The following PRIM2 variants were observed in gnomAD, a reference collection of about 807,000 sequenced individuals.
The protein encoded by PRIM2 is DNA primase subunit 2.
In PRIM2, 39 loss-of-function variants were observed where a neutral mutation model predicts 67.3. That is an observed-to-expected ratio of 0.58 (90% CI 0.45 to 0.76). The LOEUF (loss-of-function observed/expected upper bound fraction) is 0.76, where lower values mean the gene tolerates loss of function less well. Among genes scored for constraint, PRIM2 ranks in the 30% least tolerant of loss-of-function variants. PRIM2 has a pLI of 0.00. For missense variants in PRIM2, 398 were observed against 598.7 expected (o/e 0.66, Z 3.50); for synonymous variants, 143 against 198.7 (o/e 0.72, Z 2.36).
chr6:57,326,294 G>T, intron 5 of PRIM2: 1 of 325,492 alleles, frequency 3.1e-6, no homozygotes, highest in Non-Finnish European at 5.4e-6. Flanking sequence ...GCACAAGAAG[G>T]TTTAGTTTAT....
At chr6:57,571,363 A>G (rs1327014175) in intron 10 of PRIM2, among the ~76,000 whole-genome samples, 6 of 152,096 alleles carry the variant, frequency 3.9e-5, no homozygotes, top group Admixed American at 6.6e-5. Flanking sequence ...AAAAACAACA[A>G]TGAAGGCTGG....
chr6:57,287,241 A>G, the PRIM2 span, among the ~76,000 whole-genome samples: 4 of 152,232 alleles, frequency 2.6e-5, no homozygotes, highest in Non-Finnish European at 4.4e-5. Flanking sequence ...CATTTGACCC[A>G]GCAATCCCAT....
the PRIM2 span, among the ~76,000 whole-genome samples, chr6:57,227,002 A>G: frequency 6.6e-6 from 1 of 152,156 alleles, no homozygotes; most frequent in Admixed American, 6.5e-5. Flanking sequence ...ATTATGGTCT[A>G]GTGTGTTCCA....
the PRIM2 span, among the ~76,000 whole-genome samples, chr6:57,266,371 C>T: frequency 6.6e-6 from 1 of 152,106 alleles, no homozygotes; most frequent in Non-Finnish European, 1.5e-5. Context: ...CCTACAGAGT[C>T]AAGAATGAAG....
chr6:57,522,623 G>A (rs1554349026), intron 8 of PRIM2, among the ~76,000 whole-genome samples: 1 of 151,728 alleles, frequency 6.6e-6, no homozygotes, highest in Non-Finnish European at 1.5e-5. Context: ...TGAGTAGCTG[G>A]GACTACAGAT....
intron 7 of PRIM2, among the ~76,000 whole-genome samples, chr6:57,456,053 T>C (rs550233345): frequency 2.0e-5 from 3 of 152,218 alleles, no homozygotes; most frequent in South Asian, 2.1e-4. Flanking sequence ...GAAGCTTAGT[T>C]TGGCTGGATA....
intron 10 of PRIM2, among the ~76,000 whole-genome samples, chr6:57,590,487 T>TG (rs1266004140): frequency 2.0e-5 from 3 of 151,814 alleles, no homozygotes; most frequent in Non-Finnish European, 2.9e-5. Context: ...AGAGCAGGGA[T>TG]GGGGGTCAGT....
rs1348266327 is a variant in PRIM2 at position 57,472,957 on chromosome 6, G to A, written c.694-34430G>A. ...AATTATATGCAGGAGGCCACTTTTC[G>A]TTGAATTAGTGTGTGTTGCATGTGG... On this transcript the variant is annotated intron_variant, in intron 7 of 13. Transcript: ENST00000615550. Among the ~76,000 whole-genome samples the A allele has an allele frequency of 4.9e-4, 74 of 152,276 alleles. 1 individual carries two copies. The highest frequency in any genetic ancestry group is 1.2e-3 in the African/African-American group (50 of 41,554).
intron 10 of PRIM2, among the ~76,000 whole-genome samples, chr6:57,600,846 T>C (rs1776451016): frequency 6.6e-6 from 1 of 152,226 alleles, no homozygotes; most frequent in Admixed American, 6.5e-5. Flanking sequence ...AACGTATAGG[T>C]AACATTAGCT....
At chr6:57,294,559 A>G in the PRIM2 span, among the ~76,000 whole-genome samples, 2 of 151,958 alleles carry the variant, frequency 1.3e-5, no homozygotes, top group Middle Eastern at 6.9e-3. Context: ...GTGCATGTAT[A>G]TATTTATACA....
intron 13 of PRIM2, among the ~76,000 whole-genome samples, chr6:57,641,003 A>G (rs1382222458): frequency 3.5e-4 from 53 of 152,242 alleles, no homozygotes; most frequent in African/African-American, 1.3e-3. Flanking sequence ...ACAAGGCTAC[A>G]GTAACCACAA....
intron 8 of PRIM2, among the ~76,000 whole-genome samples, chr6:57,528,723 A>G (rs1173825380): frequency 6.6e-6 from 1 of 152,264 alleles, no homozygotes; most frequent in Non-Finnish European, 1.5e-5. Flanking sequence ...ATAAGGGTCA[A>G]TGGCATGGCC....
In PRIM2 at chr6:57,433,924, G is replaced by GTT. The variant is rs5876563; in HGVS notation, c.693+51772_693+51773dup. On this transcript the variant is annotated intron_variant, in intron 7 of 13. Transcript: ENST00000615550. ...GGGACAAGCAACTTCTCTGTTCCCT[G>GTT]TTTTTTTTTTTTTTTTTGAGACAGA... 3.6e-3 allele frequency among the ~76,000 whole-genome samples: 486 copies of GTT among 135,924 alleles called. 3 individuals carry two copies. The highest frequency in any genetic ancestry group is 0.015 in the East Asian group (68 of 4,634). 89.2% of individuals were successfully genotyped at this position (135,924 alleles called of 152,430 possible).
intron 7 of PRIM2, among the ~76,000 whole-genome samples, chr6:57,388,456 A>G (rs78967649): frequency 6.6e-6 from 1 of 152,124 alleles, no homozygotes; most frequent in African/African-American, 2.4e-5. Context: ...GAATCAGCAT[A>G]ATGATGATGA....
chr6:57,309,614 T>C, the PRIM2 span, among the ~76,000 whole-genome samples: 1 of 152,172 alleles, frequency 6.6e-6, no homozygotes, highest in African/African-American at 2.4e-5. Context: ...TGAATAATGC[T>C]GCAATAAACA....
chr6:57,587,808 A>T (rs1776220758), intron 10 of PRIM2, among the ~76,000 whole-genome samples: 1 of 152,032 alleles, frequency 6.6e-6, no homozygotes, highest in Admixed American at 6.6e-5. Flanking sequence ...TAATTGATAG[A>T]TCCTAGGAAG....
At chr6:57,463,485 C>G (rs74533190) in intron 7 of PRIM2, among the ~76,000 whole-genome samples, 1 of 152,124 alleles carries the variant, frequency 6.6e-6, no homozygotes, top group African/African-American at 2.4e-5. Context: ...GAGCGAGCCC[C>G]TATCTCTAAA....
At chr6:57,615,571 A>G (rs1250960505) in intron 12 of PRIM2, among the ~76,000 whole-genome samples, 37 of 152,226 alleles carry the variant, frequency 2.4e-4, no homozygotes, top group Non-Finnish European at 4.3e-4. Flanking sequence ...TGTTTCATGG[A>G]CTTATAATGG....
At chr6:57,616,277 A>G (rs1311740026) in intron 12 of PRIM2, among the ~76,000 whole-genome samples, 8 of 152,318 alleles carry the variant, frequency 5.3e-5, no homozygotes, top group Admixed American at 3.9e-4. Flanking sequence ...CCACCACTAC[A>G]TTATCCCTAT....
Sources: gnomAD v4.1 joint callset for allele counts (sites outside exome capture counted in the v4.1 genomes callset) on GRCh38, gnomAD v4.1.1 for gene constraint, MANE v1.5 for transcripts, NCBI Gene and HGNC (gene_info 2026-07-23, HGNC 2026-07-21) for gene names.